Variants in ABCA13 observed in about 807,000 individuals in gnomAD.
ABCA13 encodes the protein ATP binding cassette subfamily A member 13.
ABCA13 carries 476 observed loss-of-function variants against 478.7 expected under a neutral mutation model. The observed-to-expected ratio is 0.99, with a 90% CI of 0.92 to 1.07. ABCA13 has a LOEUF of 1.07. Among genes scored for constraint, ABCA13 ranks in the 50% least tolerant of loss-of-function variants. The probability of loss-of-function intolerance (pLI) is 0.00; values close to 1 mark genes in which losing one functional copy is unlikely to be tolerated. For missense variants in ABCA13, 6,060 were observed against 5,910.6 expected (o/e 1.03, Z -0.83); for synonymous variants, 2,252 against 2,158.9 (o/e 1.04, Z -1.20).
chr7:48,279,488 C>T lies in ABCA13; in HGVS notation c.8294C>T (p.Thr2765Ile). Residue 2765 changes from threonine to isoleucine, a missense_variant, in exon 18 of 62, where the codon ACT becomes ATT. This residue lies in a region of ABCA13 where 4,423 missense variants were observed against 4,309.1 expected (regional missense o/e 1.03). Transcript: ENST00000435803. ...WNVSNVLMTF[T>I]QHPNNLLKTI... The stretch of plus-strand genomic sequence containing the variant: ...GTTTCTAATGTGTTGATGACATTTA[C>T]TCAGCATCCAAATAACCTTTTGAAA... 2 of 1,612,510 alleles carry T rather than the reference C, an allele frequency of 1.2e-6. No individual in the cohort carries two copies. The highest frequency in any genetic ancestry group is 1.7e-6 in the Non-Finnish European group (2 of 1,179,066).
intron 32 of ABCA13, among the ~76,000 whole-genome samples, chr7:48,369,740 G>T (rs759066015): frequency 6.6e-6 from 1 of 151,954 alleles, no homozygotes; most frequent in East Asian, 1.9e-4. Context: ...TATTCTGTTC[G>T]ATTGGTCTAT....
chr7:48,277,998 A>G (rs1796519090), intron 17 of ABCA13, 96 bp from the exon 18 acceptor site: 1 of 404,540 alleles, frequency 2.5e-6, no homozygotes, highest in Non-Finnish European at 3.8e-6. Flanking sequence ...CTATTATAAA[A>G]CAAATAAAAT....
At chr7:48,350,001 C>A (rs536490977) in intron 29 of ABCA13, among the ~76,000 whole-genome samples, 188 of 152,282 alleles carry the variant, frequency 1.2e-3, no homozygotes, top group African/African-American at 4.3e-3. Context: ...CTTCCTGAAA[C>A]CAGAGTGAAA....
At chr7:48,311,617 T>C (rs920867959) in intron 24 of ABCA13, among the ~76,000 whole-genome samples, 1 of 152,164 alleles carries the variant, frequency 6.6e-6, no homozygotes, top group Non-Finnish European at 1.5e-5. Context: ...CAAGATTTCT[T>C]TGAAGGATAA....
rs770440408 is a variant in ABCA13, at chr7:48,645,406, GT to G, written c.15082-4del. 6.5e-7 allele frequency: 1 copy of G among 1,550,118 alleles called. No individual in the cohort carries two copies. Among genetic ancestry groups the G allele is most frequent in the Non-Finnish European group, 8.7e-7 (1 of 1,144,328 alleles). ...CTTATAAGTAAACAACATTTTTATG[GT>G]TTTTTTCAGGTATTTATTAATTTTG... On this transcript the variant is annotated splice_polypyrimidine_tract_variant and intron_variant, in intron 61 of 61. Transcript: ENST00000435803.
chr7:48,606,617 C>A (rs943507621), intron 58 of ABCA13, among the ~76,000 whole-genome samples: 7 of 152,138 alleles, frequency 4.6e-5, no homozygotes, highest in African/African-American at 1.7e-4. Context: ...TACCAAATAC[C>A]AGCCAGAGCT....
intron 55 of ABCA13, among the ~76,000 whole-genome samples, chr7:48,562,783 GTTGTGATT>G (rs1426249028): frequency 6.6e-6 from 1 of 152,102 alleles, no homozygotes; most frequent in East Asian, 1.9e-4. Flanking sequence ...AAGGCATAAA[GTTGTGATT>G]TTGATATAAT....
At chr7:48,643,859 C>T (rs913657964) in intron 60 of ABCA13, among the ~76,000 whole-genome samples, 1 of 152,132 alleles carries the variant, frequency 6.6e-6, no homozygotes, top group Non-Finnish European at 1.5e-5. Flanking sequence ...ATCTTCATTG[C>T]CTGGGACCTG....
At chr7:48,643,506 T>C in intron 60 of ABCA13, 113 bp downstream of exon 60, 1 of 915,244 alleles carries the variant, frequency 1.1e-6, no homozygotes, top group Non-Finnish European at 1.7e-6. Context: ...CTTGTTACCT[T>C]AGCCACATTG....
At chr7:48,643,999 A>T (rs529311873) in intron 60 of ABCA13, among the ~76,000 whole-genome samples, 1 of 152,206 alleles carries the variant, frequency 6.6e-6, no homozygotes, top group Non-Finnish European at 1.5e-5. Flanking sequence ...TAACTGTGGG[A>T]TGCTAGTTTA....
At chr7:48,562,958 GTATATA>G (rs57646990) in intron 55 of ABCA13, among the ~76,000 whole-genome samples, 5 of 150,316 alleles carry the variant, frequency 3.3e-5, no homozygotes, top group African/African-American at 1.2e-4. Context: ...ATGTATGTGT[GTATATA>G]TATATATATG....
At chr7:48,505,914 T>G (rs1311811695) in intron 48 of ABCA13, among the ~76,000 whole-genome samples, 1 of 152,220 alleles carries the variant, frequency 6.6e-6, no homozygotes, top group Non-Finnish European at 1.5e-5. Flanking sequence ...ACAGTCGTTA[T>G]CTATCTATCT....
At chr7:48,627,112 T>G (rs1793736756) in intron 59 of ABCA13, 2 of 887,582 alleles carry the variant, frequency 2.3e-6, no homozygotes, top group Non-Finnish European at 2.7e-6. Context: ...CTGTGCATGG[T>G]CTTATTTAAT....
chr7:48,597,352 A>G (rs1382208739), intron 58 of ABCA13, among the ~76,000 whole-genome samples: 1 of 152,128 alleles, frequency 6.6e-6, no homozygotes, highest in Non-Finnish European at 1.5e-5. Flanking sequence ...ACTTTTATTT[A>G]TCCATTCACC....
At position 48,473,814 on chromosome 7, in the gene ABCA13, C is replaced by CT. The variant is rs11385220; in HGVS notation, c.12975+2221dup. ...TCAGATAAAAAGTTTTTTTGTTTGT[C>CT]TTTTTTCTAGAGATTTTAGAAGCCT... On this transcript the variant is annotated intron_variant, in intron 45 of 61. Transcript: ENST00000435803. Among the ~76,000 whole-genome samples, 789 of 152,206 alleles carry CT rather than the reference C, an allele frequency of 5.2e-3. 10 individuals are homozygous for CT. Among genetic ancestry groups the CT allele is most frequent in the African/African-American group, 0.018 (732 of 41,534 alleles).
At chr7:48,308,427 A>G (rs1801236076) in intron 23 of ABCA13, among the ~76,000 whole-genome samples, 1 of 152,192 alleles carries the variant, frequency 6.6e-6, no homozygotes, top group Non-Finnish European at 1.5e-5. Context: ...AACCAGTAAT[A>G]TAGTCATTTA....
chr7:48,402,982 G>A (rs755102902), intron 38 of ABCA13, among the ~76,000 whole-genome samples: 15 of 152,224 alleles, frequency 9.9e-5, no homozygotes, highest in Non-Finnish European at 1.6e-4. Flanking sequence ...TTCCTGTAGA[G>A]TTAACAGGGC....
intron 38 of ABCA13, among the ~76,000 whole-genome samples, chr7:48,400,355 G>A (rs895581219): frequency 6.6e-6 from 1 of 152,196 alleles, no homozygotes; most frequent in Non-Finnish European, 1.5e-5. Flanking sequence ...TGATTAAAGA[G>A]CAGCATCTGA....
intron 47 of ABCA13, among the ~76,000 whole-genome samples, chr7:48,486,141 T>C (rs1428314541): frequency 6.6e-6 from 1 of 152,148 alleles, no homozygotes; most frequent in East Asian, 1.9e-4. Flanking sequence ...TATGCTGCTC[T>C]CTCTAAAATT....
Sources: allele counts gnomAD v4.1 joint callset (sites outside exome capture counted in the v4.1 genomes callset), GRCh38; gene constraint gnomAD v4.1.1; regional missense constraint gnomAD v4.1.1; transcripts MANE v1.5; gene names NCBI Gene and HGNC (gene_info 2026-07-23, HGNC 2026-07-21).